SNAP91: variants seen among roughly 807,000 people sequenced by gnomAD.
SNAP91 encodes clathrin coat assembly protein AP180.
In SNAP91, 27 loss-of-function variants were observed where a neutral mutation model predicts 100.3. That is an observed-to-expected ratio of 0.27 (90% CI 0.20 to 0.37). The LOEUF is 0.37. Ranked by LOEUF, SNAP91 falls within the 10% of genes least tolerant of loss-of-function variation. The pLI is 1.00. For missense variants in SNAP91, 986 were observed against 1,123.7 expected, an observed-to-expected ratio of 0.88 and a Z score of 1.75; for synonymous variants, 404 against 398.6, an observed-to-expected ratio of 1.01 and a Z score of -0.16.
At chr6:83,603,066 C>A (rs1162804549) in intron 14 of SNAP91, among the ~76,000 whole-genome samples, 1 of 152,112 alleles carries the variant, frequency 6.6e-6, no homozygotes, top group East Asian at 1.9e-4. Flanking sequence ...AAAGATAGTA[C>A]CTTTCTTGGG....
At chr6:83,626,865 C>G (rs759531522) in intron 8 of SNAP91, among the ~76,000 whole-genome samples, 1 of 151,834 alleles carries the variant, frequency 6.6e-6, no homozygotes, top group Non-Finnish European at 1.5e-5. Flanking sequence ...TCTATCCTGA[C>G]TGCTCTGTAG....
chr6:83,591,277 C>T lies in SNAP91; in HGVS notation c.1948G>A (p.Ala650Thr), dbSNP rs778793061. The T allele has an allele frequency of 5.0e-6, 8 of 1,612,262 alleles. No individual in the cohort carries two copies. The highest frequency in any genetic ancestry group is 2.2e-5 in the East Asian group (1 of 44,838). Residue 650 changes from alanine (A) to threonine (T), a missense_variant, in exon 22 of 30, where the codon GCT becomes ACT. Transcript: ENST00000369694. ...DLFGDAFGSS[A>T]SEPQPASQAA... The stretch of plus-strand genomic sequence containing the variant: ...TGAGATGCAGGTTGGGGTTCAGAAG[C>T]ACTACTTCCAAATGCATCTATCCGT...
chr6:83,641,173 A>G lies in SNAP91; in HGVS notation c.688T>C (p.Cys230Arg). 6.6e-7 allele frequency: 1 copy of G among 1,513,540 alleles called. No homozygotes were observed. The highest frequency in any genetic ancestry group is 1.7e-4 in the Middle Eastern group (1 of 5,858). The allele number at this position is 1,513,540 out of a possible 1,614,324, so 93.8% of individuals were successfully genotyped here. A position where few individuals can be genotyped will look rare whatever the true frequency, so the allele number is the denominator to read the frequency against. The change falls in exon 8 of 30, where the codon TGT (cysteine) becomes CGT (arginine). Residue 230 changes from cysteine to arginine, a missense_variant. By Grantham distance (180) the Cys-to-Arg change is radical. This residue lies in a region of SNAP91 where 330 missense variants were observed against 447.5 expected (regional missense o/e 0.74). Transcript: ENST00000369694. ...TTGTAAATTTCTAGAGCATCTTTAC[A>G]TTGTCCTTTCTTCATTTCAAAAAAC... Reference protein sequence around the residue: ...EKFFEMKKGQCKDALEIYKRF... With the variant: ...EKFFEMKKGQRKDALEIYKRF...
At position 83,677,908 on chromosome 6, in the gene SNAP91, C is replaced by T. The variant is rs149243156; in HGVS notation, c.131-12327G>A. Among the ~76,000 whole-genome samples the T allele has an allele frequency of 6.8e-4, 104 of 152,264 alleles. 1 individual carries two copies. The highest frequency in any genetic ancestry group is 2.3e-3 in the African/African-American group (94 of 41,556). ...GACCATTTGTAACAGACTACTGAAA[C>T]AGAAGATCTTGGTGTTCTGGGCAAT... On this transcript the variant is annotated intron_variant, in intron 2 of 29. Coordinates refer to ENST00000369694, the MANE Select transcript of SNAP91 (RefSeq NM_001242792.2).
At chr6:83,631,730 T>C (rs538775983) in intron 8 of SNAP91, among the ~76,000 whole-genome samples, 2 of 152,242 alleles carry the variant, frequency 1.3e-5, no homozygotes, top group South Asian at 2.1e-4. Flanking sequence ...TGAGTCTTTA[T>C]GTGTTAGGTG....
At chr6:83,598,417 G>A (rs547884814) in intron 16 of SNAP91, among the ~76,000 whole-genome samples, 76 of 152,064 alleles carry the variant, frequency 5.0e-4, no homozygotes, top group African/African-American at 1.6e-3. Flanking sequence ...GAATATTTCT[G>A]TTAAAAATCA....
At chr6:83,564,211 A>T (rs1255615951) in intron 26 of SNAP91, among the ~76,000 whole-genome samples, 1 of 151,592 alleles carries the variant, frequency 6.6e-6, no homozygotes, top group Non-Finnish European at 1.5e-5. Context: ...TCTATGGTTA[A>T]TTTTTTTTTC....
chr6:83,591,431 G>T (rs2273364), intron 21 of SNAP91, 137 bp from the exon 22 acceptor site: 2 of 568,644 alleles, frequency 3.5e-6, no homozygotes, highest in Admixed American at 2.8e-5. Flanking sequence ...TGTGTGAAAT[G>T]ATCACATGAA....
intron 7 of SNAP91, among the ~76,000 whole-genome samples, chr6:83,653,840 T>C (rs1415472721): frequency 3.9e-5 from 6 of 152,148 alleles, no homozygotes; most frequent in Middle Eastern, 3.2e-3. Flanking sequence ...CAAATGCTTC[T>C]TGGTTTTTCC....
At chr6:83,673,152 T>A (rs1219141175) in intron 2 of SNAP91, among the ~76,000 whole-genome samples, 3 of 152,002 alleles carry the variant, frequency 2.0e-5, no homozygotes, top group Non-Finnish European at 4.4e-5. Flanking sequence ...TTCTTTTAAA[T>A]TTACATCTCA....
chr6:83,624,136 A>G (rs1437060628), intron 8 of SNAP91, among the ~76,000 whole-genome samples: 4 of 152,150 alleles, frequency 2.6e-5, no homozygotes. Flanking sequence ...ATAAAAGTAT[A>G]TGCATATTGT....
chr6:83,618,505 T>G (rs1412696136), intron 9 of SNAP91, among the ~76,000 whole-genome samples: 1 of 151,860 alleles, frequency 6.6e-6, no homozygotes, highest in African/African-American at 2.4e-5. Context: ...ATTTCTAAGT[T>G]TAAAAAATGA....
intron 7 of SNAP91, among the ~76,000 whole-genome samples, chr6:83,650,954 C>T (rs2098178040): frequency 6.6e-6 from 1 of 152,128 alleles, no homozygotes; most frequent in African/African-American, 2.4e-5. Flanking sequence ...AGAGGCCTAT[C>T]CAGGTTGTCT....
intron 2 of SNAP91, among the ~76,000 whole-genome samples, chr6:83,673,157 A>T (rs990431025): frequency 6.6e-6 from 1 of 151,830 alleles, no homozygotes; most frequent in Non-Finnish European, 1.5e-5. Context: ...TTAAATTTAC[A>T]TCTCATTCCT....
At chr6:83,567,455 T>C (rs960991374) in intron 26 of SNAP91, among the ~76,000 whole-genome samples, 3 of 152,146 alleles carry the variant, frequency 2.0e-5, no homozygotes, top group African/African-American at 7.2e-5. Context: ...GGACTTCATG[T>C]CTAAAACACC....
intron 2 of SNAP91, among the ~76,000 whole-genome samples, chr6:83,685,591 T>C (rs1454132): frequency 6.6e-6 from 1 of 152,080 alleles, no homozygotes; most frequent in African/African-American, 2.4e-5. Context: ...CCTTTTCCTA[T>C]GTTGACACCA....
intron 8 of SNAP91, among the ~76,000 whole-genome samples, chr6:83,634,727 G>C (rs759000952): frequency 8.5e-5 from 13 of 152,186 alleles, no homozygotes; most frequent in Non-Finnish European, 1.5e-4. Context: ...CTTTATGTGT[G>C]ATGTTAGGTT....
At chr6:83,591,489 T>G (rs1021214218) in intron 21 of SNAP91, among the ~76,000 whole-genome samples, 195 bp from the exon 22 acceptor site, 1 of 152,204 alleles carries the variant, frequency 6.6e-6, no homozygotes, top group Non-Finnish European at 1.5e-5. Context: ...AGTTCTAAAA[T>G]ATTAACAAGT....
intron 23 of SNAP91, among the ~76,000 whole-genome samples, chr6:83,581,849 A>C (rs1389869692): frequency 6.6e-6 from 1 of 152,230 alleles, no homozygotes; most frequent in Non-Finnish European, 1.5e-5. Context: ...AGAGGATGTA[A>C]GCAACAGCAG....
Sources: allele counts gnomAD v4.1 joint callset (sites outside exome capture counted in the v4.1 genomes callset), GRCh38; gene constraint gnomAD v4.1.1; regional missense constraint gnomAD v4.1.1; transcripts MANE v1.5; gene names NCBI Gene and HGNC (gene_info 2026-07-23, HGNC 2026-07-21).